The following GNAL variants were observed in gnomAD, a reference collection of about 807,000 sequenced individuals.
GNAL encodes the protein G protein subunit alpha L.
GNAL carries 18 observed loss-of-function variants against 55.1 expected under a neutral mutation model. The observed-to-expected ratio is 0.33, with a 90% confidence interval of 0.23 to 0.48. GNAL has a LOEUF of 0.48. GNAL is among the 20% of genes least tolerant of loss of function. The probability of loss-of-function intolerance (pLI) is 0.99; values close to 1 mark genes in which losing one functional copy is unlikely to be tolerated. For synonymous variants in GNAL, 253 were observed against 237.0 expected (o/e 1.07, Z -0.62); for missense variants, 412 against 614.1 (o/e 0.67, Z 3.48).
chr18:11,854,924 T>C (rs1183207260), intron 5 of GNAL, among the ~76,000 whole-genome samples: 1 of 152,220 alleles, frequency 6.6e-6, no homozygotes, highest in Non-Finnish European at 1.5e-5. Context: ...CCCTGGCTTA[T>C]TTTTGTTGTT....
intron 4 of GNAL, among the ~76,000 whole-genome samples, chr18:11,780,492 G>C (rs1474372360): frequency 1.3e-5 from 2 of 152,060 alleles, no homozygotes. Flanking sequence ...AACCTCTCTG[G>C]CTCTTTAAAA....
chr18:11,841,904 G>A lies in GNAL; in HGVS notation c.722+16889G>A, dbSNP rs184280447. On this transcript the variant is annotated intron_variant, in intron 5 of 11. Coordinates refer to ENST00000334049, the MANE Select transcript of GNAL (RefSeq NM_182978.4). ...CTCAGTAAATGTTTGTGGAATATAC[G>A]TATGAACTGGAAGATTGTAGCCCAA... 1.7e-3 allele frequency among the ~76,000 whole-genome samples: 259 copies of A among 152,084 alleles called. 1 individual carries two copies. Among genetic ancestry groups the A allele is most frequent in the South Asian group, 0.015 (70 of 4,808 alleles).
chr18:11,713,825 G>A (rs1362030687), intron 1 of GNAL, among the ~76,000 whole-genome samples: 5 of 152,236 alleles, frequency 3.3e-5, no homozygotes, highest in Admixed American at 1.3e-4. Flanking sequence ...TGGGAATGTC[G>A]TCCAGAAAAA....
At chr18:11,756,532 G>A (rs2033062104) in intron 4 of GNAL, among the ~76,000 whole-genome samples, 1 of 151,068 alleles carries the variant, frequency 6.6e-6, no homozygotes, top group African/African-American at 2.4e-5. Context: ...ATATATTTAT[G>A]TATATTTATA....
At chr18:11,720,803 T>C (rs1598410888) in intron 1 of GNAL, among the ~76,000 whole-genome samples, 1 of 152,212 alleles carries the variant, frequency 6.6e-6, no homozygotes, top group East Asian at 1.9e-4. Context: ...GCTGCAAATT[T>C]GTGTGGAAAT....
intron 5 of GNAL, among the ~76,000 whole-genome samples, chr18:11,827,555 G>A (rs775855847): frequency 1.2e-4 from 19 of 152,296 alleles, no homozygotes; most frequent in Non-Finnish European, 2.5e-4. Context: ...GGAGGTGGCA[G>A]TGAGCCGAGA....
rs112375696 is a variant in GNAL, at chr18:11,689,298, T to C, written c.-266T>C. The C allele has an allele frequency of 9.4e-5, 28 of 298,292 alleles. No homozygotes were observed. Among genetic ancestry groups the C allele is most frequent in the African/African-American group, 5.9e-4 (27 of 45,614 alleles). The allele number at this position is 298,292 out of a possible 1,614,324, so 18.5% of individuals were successfully genotyped here. On this transcript the variant is annotated 5_prime_UTR_variant, in exon 1 of 12. Coordinates refer to ENST00000334049, the MANE Select transcript of GNAL (RefSeq NM_182978.4). Reference sequence around the variant, plus strand: ...GTCCGCTCTGGGCGTTAGCAAGTGATCTCCAGCCAAGGCGGCCGCCACCCC... The same window carrying C: ...GTCCGCTCTGGGCGTTAGCAAGTGACCTCCAGCCAAGGCGGCCGCCACCCC...
intron 4 of GNAL, among the ~76,000 whole-genome samples, chr18:11,795,613 G>A (rs1457368917): frequency 2.0e-5 from 3 of 152,174 alleles, no homozygotes; most frequent in Non-Finnish European, 2.9e-5. Flanking sequence ...ATGCCATTAT[G>A]AGAGAAGTTC....
intron 4 of GNAL, among the ~76,000 whole-genome samples, chr18:11,790,415 GTGT>G (rs999295866): frequency 4.0e-4 from 61 of 152,306 alleles, no homozygotes; most frequent in African/African-American, 1.4e-3. Context: ...CCTTGGGGAT[GTGT>G]TGTTTACAAT....
intron 4 of GNAL, among the ~76,000 whole-genome samples, chr18:11,804,013 G>A (rs1301828672): frequency 1.4e-5 from 2 of 140,004 alleles, no homozygotes; most frequent in Non-Finnish European, 3.1e-5. Context: ...AGCAGTTTGA[G>A]TGGAACACGG....
intron 5 of GNAL, among the ~76,000 whole-genome samples, chr18:11,849,256 C>T (rs899071232): frequency 6.6e-6 from 1 of 152,218 alleles, no homozygotes; most frequent in Non-Finnish European, 1.5e-5. Flanking sequence ...AATCCCAGCA[C>T]TTTGGAATGC....
chr18:11,758,140 G>A (rs572142385), intron 4 of GNAL, among the ~76,000 whole-genome samples: 1 of 152,262 alleles, frequency 6.6e-6, no homozygotes, highest in East Asian at 1.9e-4. Flanking sequence ...CAGGAGTCCA[G>A]TCCTCGAGAA....
intron 10 of GNAL, among the ~76,000 whole-genome samples, 156 bp from the exon 11 acceptor site, chr18:11,876,465 A>T (rs896650469): frequency 4.4e-5 from 6 of 136,448 alleles, no homozygotes; most frequent in Non-Finnish European, 7.9e-5. Flanking sequence ...TCCGTCTCTT[A>T]AAAAAAAAAG....
chr18:11,827,611 C>CA (rs2035279928), intron 5 of GNAL, among the ~76,000 whole-genome samples: 1 of 149,252 alleles, frequency 6.7e-6, no homozygotes, highest in Non-Finnish European at 1.5e-5. Context: ...AGGCTCGTCT[C>CA]AAAAAAATGA....
chr18:11,784,774 AG>A (rs1239369631), intron 4 of GNAL, among the ~76,000 whole-genome samples: 1 of 152,178 alleles, frequency 6.6e-6, no homozygotes, highest in Non-Finnish European at 1.5e-5. Context: ...ACCAAAAGCC[AG>A]TACCTGGTCT....
At chr18:11,871,376 G>A (rs200708200) in intron 9 of GNAL, among the ~76,000 whole-genome samples, 2 of 151,562 alleles carry the variant, frequency 1.3e-5, no homozygotes, top group African/African-American at 4.8e-5. Flanking sequence ...TCAGCCTCCC[G>A]AGTAGCTGGG....
chr18:11,753,623 T>C lies in GNAL; in HGVS notation c.450-5T>C. The C allele has an allele frequency of 6.4e-7, 1 of 1,556,752 alleles. No individual in the cohort carries two copies. Among genetic ancestry groups the C allele is most frequent in the Middle Eastern group, 1.7e-4 (1 of 5,930 alleles). ...TAAGCTAATAACAACTCTCTTTCAA[T>C]ACAGGGAAAAGAAACAGAAAATTCT... On this transcript the variant is annotated splice_polypyrimidine_tract_variant and splice_region_variant and intron_variant, in intron 2 of 11. Transcript: ENST00000334049.
chr18:11,702,217 G>A (rs1325012456), intron 1 of GNAL: 1 of 152,268 alleles, frequency 6.6e-6, no homozygotes, highest in Non-Finnish European at 1.5e-5. Flanking sequence ...TCAGCCCCTG[G>A]AATTAGGCCA....
chr18:11,884,348 C>G lies in GNAL; in HGVS notation c.*3213C>G. 1 of 1,133,696 alleles carries G rather than the reference C, an allele frequency of 8.8e-7. No homozygotes were observed. The highest frequency in any genetic ancestry group is 1.5e-5 in the African/African-American group (1 of 64,964). The allele number at this position is 1,133,696 out of a possible 1,614,324, so 70.2% of individuals were successfully genotyped here. ...AGAATTTCTGTGCTGTGCAGAGAGA[C>G]GGCCTGTAATTGGTCTCATCATCCA... On this transcript the variant is annotated 3_prime_UTR_variant, in exon 12 of 12. Coordinates refer to ENST00000334049, the MANE Select transcript of GNAL (RefSeq NM_182978.4).
Sources: allele counts gnomAD v4.1 joint callset (sites outside exome capture counted in the v4.1 genomes callset), GRCh38; gene constraint gnomAD v4.1.1; transcripts MANE v1.5; gene names NCBI Gene and HGNC (gene_info 2026-07-23, HGNC 2026-07-21).